TCF20: variants seen among roughly 807,000 people sequenced by gnomAD.
The protein encoded by TCF20 is transcription factor 20, also known as SPRE-binding protein.
Under a neutral mutation model 148.6 loss-of-function variants are expected in TCF20, and 3 were observed. The ratio of observed to expected loss-of-function variants is 0.02; its 90% confidence interval spans 0.01 to 0.05. The LOEUF is 0.05. Among genes scored for constraint, TCF20 ranks in the 10% least tolerant of loss-of-function variants. The probability of loss-of-function intolerance (pLI) is 1.00; values close to 1 mark genes in which losing one functional copy is unlikely to be tolerated. For synonymous variants in TCF20, 1,049 were observed against 909.5 expected (o/e 1.15, Z -2.76); for missense variants, 2,350 against 2,429.3 (o/e 0.97, Z 0.69).
intron 1 of TCF20, among the ~76,000 whole-genome samples, chr22:42,307,773 G>A (rs1467028048): frequency 1.3e-5 from 2 of 152,160 alleles, no homozygotes; most frequent in Non-Finnish European, 2.9e-5. Flanking sequence ...AAGCCCCATG[G>A]CTCTCTGAGC....
At chr22:42,193,285 ACACTT>A (rs1437494892) in intron 2 of TCF20, among the ~76,000 whole-genome samples, 1 of 149,884 alleles carries the variant, frequency 6.7e-6, no homozygotes, top group Non-Finnish European at 1.5e-5. Flanking sequence ...TCCTCCACCT[ACACTT>A]TTTTTTTTTT....
In TCF20 at chr22:42,214,937, C is replaced by T; in HGVS notation, c.369G>A (p.Gly123=). ...GPVQSYGPPQ[G]SSFGNQYGSE... ...TCCCATACTGATTGCCAAAGCTGCT[C>T]CCCTGGGGGGGTCCATAGCTCTGCA... The change falls in exon 2 of 6, where the codon GGG becomes GGA. Residue 123 remains glycine, a synonymous_variant. Transcript: ENST00000677622. The T allele has an allele frequency of 6.2e-7, 1 of 1,614,210 alleles. No individual in the cohort carries two copies. The highest frequency in any genetic ancestry group is 8.5e-7 in the Non-Finnish European group (1 of 1,180,038).
chr22:42,209,484 G>A (rs569928157), intron 2 of TCF20, among the ~76,000 whole-genome samples, 167 bp downstream of exon 2: 21 of 152,212 alleles, frequency 1.4e-4, no homozygotes, highest in Non-Finnish European at 2.5e-4. Flanking sequence ...GATTTTAGAA[G>A]TCTATACAAA....
At chr22:42,188,987 T>C (rs1281444555) in intron 2 of TCF20, among the ~76,000 whole-genome samples, 1 of 152,068 alleles carries the variant, frequency 6.6e-6, no homozygotes, top group Middle Eastern at 3.2e-3. Flanking sequence ...ACCTGAGTCA[T>C]AAAGAGTGAG....
intron 1 of TCF20, among the ~76,000 whole-genome samples, chr22:42,215,643 T>A (rs536860747): frequency 1.2e-4 from 19 of 152,226 alleles, no homozygotes; most frequent in African/African-American, 2.9e-4. Context: ...GGCTAATTTT[T>A]TGTATTTTTA....
intron 1 of TCF20, among the ~76,000 whole-genome samples, chr22:42,324,135 G>T (rs1927820655): frequency 6.8e-6 from 1 of 147,042 alleles, no homozygotes; most frequent in Non-Finnish European, 1.5e-5. Context: ...TGGTGGTGGT[G>T]GTGGTGGTGG....
At chr22:42,222,980 C>T (rs1922515880) in intron 1 of TCF20, among the ~76,000 whole-genome samples, 1 of 152,118 alleles carries the variant, frequency 6.6e-6, no homozygotes, top group Non-Finnish European at 1.5e-5. Context: ...GACCCCGTCT[C>T]CACAAAAAAT....
chr22:42,337,963 A>C (rs1187590331), intron 1 of TCF20, among the ~76,000 whole-genome samples: 2 of 152,196 alleles, frequency 1.3e-5, no homozygotes, highest in Non-Finnish European at 2.9e-5. Context: ...CTCAACCTTC[A>C]GTCACAGTTC....
chr22:42,199,441 A>G (rs1937831700), intron 2 of TCF20, among the ~76,000 whole-genome samples: 1 of 152,196 alleles, frequency 6.6e-6, no homozygotes, highest in Non-Finnish European at 1.5e-5. Flanking sequence ...AACTGAGGAA[A>G]TAGGGTACAA....
At chr22:42,255,414 GGGA>G (rs1393843811) in intron 1 of TCF20, among the ~76,000 whole-genome samples, 1 of 151,900 alleles carries the variant, frequency 6.6e-6, no homozygotes, top group Admixed American at 6.6e-5. Context: ...ACTTGAACCC[GGGA>G]GGAGGAGACT....
rs1243240064 is a variant in TCF20 at position 42,290,628 on chromosome 22, A to T, written c.-37+52851T>A. On this transcript the variant is annotated intron_variant, in intron 1 of 1. Coordinates refer to the TCF20 transcript ENST00000515426. This position sits in a 1 kb window ranked among gnomAD's most constrained non-coding sequence, Gnocchi z 4.2. ...GCTTCTGGTTTCTGGAGGGTACCAG[A>T]GGAGAAGGAGCGCGTGCCCCTGAGC... Among the ~76,000 whole-genome samples, 1 of 152,078 alleles carries T rather than the reference A, an allele frequency of 6.6e-6. No individual in the cohort carries two copies.
Position 42,213,540 on chromosome 22 carries a change from A to G in TCF20, c.1766T>C (p.Met589Thr). 1 of 1,614,190 alleles carries G rather than the reference A, an allele frequency of 6.2e-7. No individual in the cohort carries two copies. Among genetic ancestry groups the G allele is most frequent in the Non-Finnish European group, 8.5e-7 (1 of 1,180,026 alleles). The change falls in exon 2 of 6, where the codon ATG (methionine) becomes ACG (threonine). Residue 589 changes from methionine to threonine, a missense_variant. This residue lies in a region of TCF20 where 1,641 missense variants were observed against 1,662.6 expected (regional missense o/e 0.99). Coordinates refer to ENST00000677622, the MANE Select transcript of TCF20 (RefSeq NM_001378418.1). ...EEATSPGAKD[M>T]PLSSDGNPKV... ...TGGGTTCCCGTCGGATGACAATGGC[A>G]TGTCCTTAGCGCCTGGTGAGGTGGC...
chr22:42,307,456 G>A (rs561188702), intron 1 of TCF20, among the ~76,000 whole-genome samples: 79 of 152,174 alleles, frequency 5.2e-4, no homozygotes, highest in Non-Finnish European at 7.8e-4. Context: ...CCAATAGCCC[G>A]CTGATCCCTA....
intron 1 of TCF20, among the ~76,000 whole-genome samples, chr22:42,268,054 G>A (rs954625777): frequency 1.3e-5 from 2 of 152,062 alleles, no homozygotes; most frequent in Non-Finnish European, 2.9e-5. Context: ...GCTGACGCAG[G>A]AGAATCACCT....
At chr22:42,190,385 A>G (rs1320737160) in intron 2 of TCF20, among the ~76,000 whole-genome samples, 1 of 152,148 alleles carries the variant, frequency 6.6e-6, no homozygotes, top group Non-Finnish European at 1.5e-5. Context: ...GCTCAAGCCC[A>G]TGAGGTCAAG....
intron 1 of TCF20, among the ~76,000 whole-genome samples, chr22:42,289,327 G>A (rs1429649980): frequency 6.6e-6 from 1 of 152,056 alleles, no homozygotes; most frequent in Non-Finnish European, 1.5e-5. Context: ...GGGAGGTTCC[G>A]AACACCAGAT....
chr22:42,269,184 T>C (rs1926455189), intron 1 of TCF20, among the ~76,000 whole-genome samples: 1 of 152,098 alleles, frequency 6.6e-6, no homozygotes, highest in Non-Finnish European at 1.5e-5. Context: ...TCTTCACTCT[T>C]CACTGAGGCT....
At chr22:42,255,855 G>A (rs1278972646) in intron 1 of TCF20, among the ~76,000 whole-genome samples, 1 of 152,022 alleles carries the variant, frequency 6.6e-6, no homozygotes, top group Non-Finnish European at 1.5e-5. Flanking sequence ...TGAGACTCAA[G>A]TGCCCCAGCC....
chr22:42,316,136 A>G (rs1303095885), intron 1 of TCF20, among the ~76,000 whole-genome samples: 1 of 150,352 alleles, frequency 6.7e-6, no homozygotes, highest in Admixed American at 6.6e-5. Flanking sequence ...AAAAAGATTT[A>G]AAGACAAGAG....
Sources: gnomAD v4.1 joint callset for allele counts (sites outside exome capture counted in the v4.1 genomes callset) on GRCh38, gnomAD v4.1.1 for gene constraint, gnomAD v4.1.1 regional missense constraint, Gnocchi (gnomAD v3.1) non-coding constraint, MANE v1.5 for transcripts, NCBI Gene and HGNC (gene_info 2026-07-23, HGNC 2026-07-21) for gene names.